SND1: variants seen among roughly 807,000 people sequenced by gnomAD.
The protein encoded by SND1 is staphylococcal nuclease domain-containing protein 1.
A neutral mutation model predicts 121.7 loss-of-function variants in SND1; 38 were observed. The observed-to-expected ratio is 0.31, with a 90% confidence interval of 0.24 to 0.41. The LOEUF is 0.41. Ranked by LOEUF, SND1 falls within the 10% of genes least tolerant of loss-of-function variation. The pLI is 1.00. For synonymous variants in SND1, 401 were observed against 447.4 expected (o/e 0.90, Z 1.31); for missense variants, 868 against 1,184.6 (o/e 0.73, Z 3.92).
intron 11 of SND1, among the ~76,000 whole-genome samples, chr7:127,828,157 C>T (rs369738161): frequency 7.9e-5 from 12 of 151,964 alleles, no homozygotes; most frequent in African/African-American, 2.2e-4. Context: ...CCACCATGCC[C>T]GGCTAATTTT....
At chr7:128,022,018 G>A (rs1563091193) in intron 16 of SND1, among the ~76,000 whole-genome samples, 1 of 151,880 alleles carries the variant, frequency 6.6e-6, no homozygotes, top group Admixed American at 6.6e-5. Flanking sequence ...AGCCTGGCCA[G>A]CATGGTGAAA....
chr7:127,762,293 G>A (rs1382040990), intron 10 of SND1, among the ~76,000 whole-genome samples: 1 of 152,172 alleles, frequency 6.6e-6, no homozygotes, highest in African/African-American at 2.4e-5. Context: ...CAGTTTCAGA[G>A]GCTGGAAGTC....
intron 15 of SND1, among the ~76,000 whole-genome samples, chr7:127,980,049 G>A (rs1338452287): frequency 6.6e-6 from 1 of 151,544 alleles, no homozygotes; most frequent in Non-Finnish European, 1.5e-5. Context: ...GGAGAACCTT[G>A]ACTTTTCACA....
In SND1 at chr7:128,015,159, C is replaced by T. The variant is rs1433407677; in HGVS notation, c.1779+24103C>T. On this transcript the variant is annotated intron_variant, in intron 16 of 23. Coordinates refer to ENST00000354725, the MANE Select transcript of SND1 (RefSeq NM_014390.4). The surrounding 1 kb of genome is among the most constrained non-coding windows in gnomAD (Gnocchi z 4.5). ...GTAGTGCAGATGGCCCCAGCCATACCCAGGGATGTCTGCCACTCCCATCCC... is the reference window on the plus strand; with the variant it reads ...GTAGTGCAGATGGCCCCAGCCATACTCAGGGATGTCTGCCACTCCCATCCC... Among the ~76,000 whole-genome samples, 1 of 152,186 alleles carries T rather than the reference C, an allele frequency of 6.6e-6. No individual in the cohort carries two copies. The highest frequency in any genetic ancestry group is 2.4e-5 in the African/African-American group (1 of 41,438).
At chr7:127,694,581 A>G in intron 2 of SND1, 1 of 437,332 alleles carries the variant, frequency 2.3e-6, no homozygotes. Flanking sequence ...CAGTGTCTGG[A>G]AAACTCTGAG....
intron 13 of SND1, among the ~76,000 whole-genome samples, chr7:127,892,706 C>T (rs1203055531): frequency 1.3e-5 from 2 of 152,098 alleles, no homozygotes; most frequent in Non-Finnish European, 2.9e-5. Flanking sequence ...TACTCTCAGG[C>T]CTTCTTTATC....
intron 10 of SND1, among the ~76,000 whole-genome samples, chr7:127,807,001 A>G (rs1255078744): frequency 6.6e-6 from 1 of 152,162 alleles, no homozygotes; most frequent in Admixed American, 6.5e-5. Flanking sequence ...GCTATTTCAT[A>G]TCTGTAGGAT....
At chr7:127,957,803 C>T (rs1801633490) in intron 15 of SND1, among the ~76,000 whole-genome samples, 1 of 152,176 alleles carries the variant, frequency 6.6e-6, no homozygotes, top group Non-Finnish European at 1.5e-5. Context: ...CAGGTTCAAG[C>T]AATTCCCCTG....
At chr7:127,993,358 C>T (rs921616505) in intron 16 of SND1, among the ~76,000 whole-genome samples, 1 of 152,226 alleles carries the variant, frequency 6.6e-6, no homozygotes, top group African/African-American at 2.4e-5. Flanking sequence ...ACTCCCCCAA[C>T]CCCACAAAGA....
chr7:128,055,794 G>A (rs1793132332), intron 16 of SND1, among the ~76,000 whole-genome samples: 1 of 152,160 alleles, frequency 6.6e-6, no homozygotes, highest in Non-Finnish European at 1.5e-5. Context: ...CTCTCCCTGG[G>A]TCTGCTTCCT....
intron 8 of SND1, 57 bp from the exon 9 acceptor site, chr7:127,707,500 A>G (rs1382066996): frequency 7.3e-7 from 1 of 1,365,166 alleles, no homozygotes; most frequent in African/African-American, 1.4e-5. Flanking sequence ...CTCCCATGGT[A>G]GTGGTGGATT....
chr7:127,845,432 T>A (rs1799040724), intron 12 of SND1, among the ~76,000 whole-genome samples: 3 of 152,264 alleles, frequency 2.0e-5, no homozygotes, highest in Admixed American at 6.5e-5. Flanking sequence ...GCGCTCAGTA[T>A]AGGCATTTGA....
At chr7:127,761,765 C>T (rs760134725) in intron 10 of SND1, among the ~76,000 whole-genome samples, 2 of 152,168 alleles carry the variant, frequency 1.3e-5, no homozygotes, top group Non-Finnish European at 2.9e-5. Context: ...CTTATTTGCT[C>T]ATAGCCCTTG....
chr7:128,075,876 C>T (rs529907247), intron 17 of SND1, among the ~76,000 whole-genome samples: 10 of 152,256 alleles, frequency 6.6e-5, no homozygotes, highest in Admixed American at 4.6e-4. Flanking sequence ...CGGCTTCTTC[C>T]TGGATTTCCT....
intron 1 of SND1, among the ~76,000 whole-genome samples, chr7:127,658,385 A>G (rs1795248184): frequency 6.6e-6 from 1 of 152,210 alleles, no homozygotes; most frequent in African/African-American, 2.4e-5. Flanking sequence ...TAGGATTAAG[A>G]CTAAGATTTT....
intron 16 of SND1, among the ~76,000 whole-genome samples, chr7:127,996,317 T>C (rs1802656288): frequency 6.6e-6 from 1 of 152,218 alleles, no homozygotes; most frequent in South Asian, 2.1e-4. Context: ...TTCATTTCTT[T>C]CATCGTAGCT....
chr7:127,890,066 A>G (rs975974942), intron 13 of SND1, among the ~76,000 whole-genome samples: 15 of 152,050 alleles, frequency 9.9e-5, no homozygotes, highest in Admixed American at 6.6e-4. Context: ...GCTGGATCAT[A>G]TGGTAGCTCT....
chr7:128,066,781 C>T (rs572230233), intron 16 of SND1, among the ~76,000 whole-genome samples: 2 of 152,230 alleles, frequency 1.3e-5, no homozygotes, highest in African/African-American at 4.8e-5. Flanking sequence ...ACAGCCTTCA[C>T]GCAGCATCAG....
chr7:128,040,414 C>T (rs1792832102), intron 16 of SND1, among the ~76,000 whole-genome samples: 1 of 99,204 alleles, frequency 1.0e-5, no homozygotes, highest in Admixed American at 1.6e-4. Flanking sequence ...CTCTGGTCAT[C>T]AAACAGAGCA....
Sources: allele counts gnomAD v4.1 joint callset (sites outside exome capture counted in the v4.1 genomes callset), GRCh38; gene constraint gnomAD v4.1.1; non-coding constraint Gnocchi (gnomAD v3.1); transcripts MANE v1.5; gene names NCBI Gene and HGNC (gene_info 2026-07-23, HGNC 2026-07-21).